RHOU: variants seen among roughly 807,000 people sequenced by gnomAD.
RHOU encodes rho-related GTP-binding protein RhoU.
In RHOU, 8 loss-of-function variants were observed where a neutral mutation model predicts 12.6. That is an observed-to-expected ratio of 0.64 (90% CI 0.37 to 1.15). The LOEUF (loss-of-function observed/expected upper bound fraction) is 1.15. RHOU is among the 50% of genes most tolerant of loss of function. The pLI is 0.01. For missense variants in RHOU, 258 were observed against 347.0 expected, an observed-to-expected ratio of 0.74 and a Z score of 2.04; for synonymous variants, 161 against 147.4, an observed-to-expected ratio of 1.09 and a Z score of -0.67.
intron 2 of RHOU, among the ~76,000 whole-genome samples, chr1:228,740,896 A>G (rs1243798801): frequency 6.6e-6 from 1 of 152,190 alleles, no homozygotes; most frequent in African/African-American, 2.4e-5. Context: ...TAAGATGTCA[A>G]AAGGAGTTTT....
At chr1:228,658,427 G>A in the RHOU span, among the ~76,000 whole-genome samples, 6 of 152,156 alleles carry the variant, frequency 3.9e-5, no homozygotes, top group African/African-American at 7.2e-5. Flanking sequence ...TCTCCTCCAC[G>A]TGGGGACACA....
the RHOU span, among the ~76,000 whole-genome samples, chr1:228,708,965 T>C: frequency 1.3e-5 from 2 of 151,966 alleles, no homozygotes; most frequent in Admixed American, 1.3e-4. Context: ...TGGAGGAAGA[T>C]CTACCAAGAA....
chr1:228,721,558 G>A, the RHOU span, among the ~76,000 whole-genome samples: 6 of 152,308 alleles, frequency 3.9e-5, no homozygotes, highest in Middle Eastern at 6.8e-3. Flanking sequence ...TCTGTTTACC[G>A]ACACAACCAG....
At position 228,735,738 on chromosome 1, in the gene RHOU, G is replaced by T. The variant is rs1039153887; in HGVS notation, c.-5G>T. On this transcript the variant is annotated 5_prime_UTR_variant, in exon 1 of 3. Coordinates refer to ENST00000366691, the MANE Select transcript of RHOU (RefSeq NM_021205.6). This position sits in a 1 kb window ranked among gnomAD's most constrained non-coding sequence, Gnocchi z 8.1. ...CCGCGACCGCAAGCCCGCGCTCGCG[G>T]ATCGATGCCCCCGCAGCAGGGGGAC... 29 of 1,204,718 alleles carry T rather than the reference G, an allele frequency of 2.4e-5. No individual in the cohort carries two copies. Among genetic ancestry groups the T allele is most frequent in the African/African-American group, 3.2e-5 (2 of 63,138 alleles). The allele number at this position is 1,204,718 out of a possible 1,614,324, so 74.6% of individuals were successfully genotyped here. A position where few individuals can be genotyped will look rare whatever the true frequency, so the allele number is the denominator to read the frequency against.
rs1662792450 is a variant in RHOU, at chr1:228,744,692, C to G, written c.*952C>G. 2 of 152,312 alleles carry G rather than the reference C, an allele frequency of 1.3e-5. No individual in the cohort carries two copies. Among genetic ancestry groups the G allele is most frequent in the South Asian group, 4.2e-4 (2 of 4,816 alleles). The allele number at this position is 152,312 out of a possible 1,614,324, so 9.4% of individuals were successfully genotyped here. On this transcript the variant is annotated 3_prime_UTR_variant, in exon 3 of 3. Transcript: ENST00000366691. ...GCCAACAGCAAGTGTTTGTGGGACA[C>G]AACACAGATAATTTTTTCTTAAGTC...
At chr1:228,650,153 T>C in the RHOU span, 1 of 454,532 alleles carries the variant, frequency 2.2e-6, no homozygotes, top group Non-Finnish European at 4.4e-6. Context: ...AAAGCAGAGC[T>C]GCACTGCGGT....
chr1:228,664,249 G>A, the RHOU span, among the ~76,000 whole-genome samples: 1 of 84,658 alleles, frequency 1.2e-5, no homozygotes, highest in African/African-American at 7.5e-5. Context: ...GAACTCCTGG[G>A]CATCGGCCCT....
the RHOU span, among the ~76,000 whole-genome samples, chr1:228,704,061 T>C: frequency 2.6e-5 from 4 of 152,266 alleles, no homozygotes; most frequent in South Asian, 4.1e-4. Context: ...CTCTGCCCTA[T>C]TGTTTATGTA....
the RHOU span, among the ~76,000 whole-genome samples, chr1:228,712,072 C>G: frequency 6.7e-6 from 1 of 149,900 alleles, no homozygotes; most frequent in African/African-American, 2.4e-5. Flanking sequence ...CTCACCATCA[C>G]TGGCCATCAG....
chr1:228,736,054 C>G, intron 1 of RHOU, 50 bp downstream of exon 1: 1 of 1,542,564 alleles, frequency 6.5e-7, no homozygotes, highest in East Asian at 2.6e-5. Context: ...GCGGTCCACC[C>G]AGGGGAAGGA....
the RHOU span, among the ~76,000 whole-genome samples, chr1:228,683,238 C>T: frequency 6.6e-6 from 1 of 152,190 alleles, no homozygotes; most frequent in East Asian, 1.9e-4. Context: ...GAGGCATTAT[C>T]TGATAGCCAC....
At chr1:228,699,433 G>A in the RHOU span, among the ~76,000 whole-genome samples, 1 of 115,750 alleles carries the variant, frequency 8.6e-6, no homozygotes, top group African/African-American at 3.3e-5. Context: ...GGGTGACCGA[G>A]AGAGAACCTG....
chr1:228,648,190 A>G, the RHOU span, among the ~76,000 whole-genome samples: 3 of 152,194 alleles, frequency 2.0e-5, no homozygotes, highest in Non-Finnish European at 4.4e-5. Context: ...ACGCCCAAGC[A>G]CCGTTGCCCG....
the RHOU span, among the ~76,000 whole-genome samples, chr1:228,718,991 C>T: frequency 7.9e-5 from 12 of 152,112 alleles, no homozygotes; most frequent in African/African-American, 2.4e-4. Context: ...CAGAATATAT[C>T]GTCTAAAAGG....
chr1:228,682,290 AGG>A, the RHOU span, among the ~76,000 whole-genome samples: 4 of 152,206 alleles, frequency 2.6e-5, no homozygotes, highest in Admixed American at 2.0e-4. Context: ...TCACGGAGTG[AGG>A]GTGAGGACAG....
At chr1:228,686,620 C>G in the RHOU span, among the ~76,000 whole-genome samples, 275 of 152,292 alleles carry the variant, frequency 1.8e-3, 2 homozygotes, top group Middle Eastern at 0.024. Context: ...CGGTGCAAAA[C>G]TCATTGCGGT....
the RHOU span, among the ~76,000 whole-genome samples, chr1:228,651,813 A>G: frequency 2.0e-5 from 3 of 152,346 alleles, no homozygotes; most frequent in East Asian, 1.9e-4. Flanking sequence ...GGCAGTCTCA[A>G]TGTCTGTCTC....
chr1:228,707,081 G>T, the RHOU span, among the ~76,000 whole-genome samples: 1 of 120,334 alleles, frequency 8.3e-6, no homozygotes. Context: ...GCTGCCTTTG[G>T]GACCTTTAGG....
At chr1:228,695,086 C>A in the RHOU span, among the ~76,000 whole-genome samples, 1 of 152,186 alleles carries the variant, frequency 6.6e-6, no homozygotes, top group Non-Finnish European at 1.5e-5. Flanking sequence ...CCTCCCACAT[C>A]AGCCTCCCAT....
Sources: gnomAD v4.1 joint callset for allele counts (sites outside exome capture counted in the v4.1 genomes callset) on GRCh38, gnomAD v4.1.1 for gene constraint, Gnocchi (gnomAD v3.1) non-coding constraint, MANE v1.5 for transcripts, NCBI Gene and HGNC (gene_info 2026-07-23, HGNC 2026-07-21) for gene names.